LOXL2: variants seen among roughly 807,000 people sequenced by gnomAD.
The protein encoded by LOXL2 is lysyl oxidase like 2.
LOXL2 carries 70 observed loss-of-function variants against 93.0 expected under a neutral mutation model. The ratio of observed to expected loss-of-function variants is 0.75; its 90% CI spans 0.62 to 0.92. The LOEUF (loss-of-function observed/expected upper bound fraction) is 0.92. Among genes scored for constraint, LOXL2 ranks in the 40% least tolerant of loss-of-function variants. The probability of loss-of-function intolerance (pLI) is 0.00; values close to 1 mark genes in which losing one functional copy is unlikely to be tolerated. For missense variants in LOXL2, 973 were observed against 1,054.9 expected, an observed-to-expected ratio of 0.92 and a Z score of 1.08; for synonymous variants, 438 against 413.2, an observed-to-expected ratio of 1.06 and a Z score of -0.73.
rs201444798 is a variant in LOXL2, at chr8:23,298,877, C to T, written c.2204G>A (p.Arg735His). ...YSNNIMKCRS[R>H]YDGHRIWMYN... ...CATCCAGATGCGGTGGCCGTCATAGCGGCTCCTGCATTTCATGATGTTGTT... is the reference window on the plus strand; with the variant it reads ...CATCCAGATGCGGTGGCCGTCATAGTGGCTCCTGCATTTCATGATGTTGTT... Residue 735 changes from arginine to histidine, a missense_variant, in exon 13 of 14, where the codon CGC (arginine) becomes CAC (histidine). Coordinates refer to ENST00000389131, the MANE Select transcript of LOXL2 (RefSeq NM_002318.3). The T allele has an allele frequency of 3.8e-5, 61 of 1,613,970 alleles. No homozygotes were observed. The highest frequency in any genetic ancestry group is 4.7e-5 in the Non-Finnish European group (55 of 1,179,886).
rs1016744673 is a variant in LOXL2, at chr8:23,341,276, C to T, written c.532-73G>A. On this transcript the variant is annotated intron_variant, in intron 3 of 13. Transcript: ENST00000389131. ...CTGCAGAGACACCAGGCAACCAGTA[C>T]TTCTTTAGCGACTATGGGCCAGGCC... The T allele has an allele frequency of 6.3e-6, 8 of 1,265,038 alleles. No individual in the cohort carries two copies. In the African/African-American group the frequency reaches 1.0e-4, roughly 16 times the overall value. The allele number at this position is 1,265,038 out of a possible 1,614,324, so 78.4% of individuals were successfully genotyped here.
At chr8:23,383,656 T>TG (rs1804711757) in intron 1 of LOXL2, among the ~76,000 whole-genome samples, 2 of 26,112 alleles carry the variant, frequency 7.7e-5, no homozygotes, top group African/African-American at 5.2e-4. Context: ...GTTTTTTTTT[T>TG]GTTTTTTTTT....
rs1803055208 is a variant in LOXL2 at position 23,297,585 on chromosome 8, A to G, written c.*458T>C. The G allele has an allele frequency of 6.3e-6, 1 of 158,824 alleles. No homozygotes were observed. Among genetic ancestry groups the G allele is most frequent in the African/African-American group, 2.4e-5 (1 of 41,630 alleles). 9.8% of individuals were successfully genotyped at this position (158,824 alleles called of 1,614,324 possible). ...ATTGGAAGAGAGGTCTAGATATTCA[A>G]GTTTGCTGAAAATGACCTAAGAGGA... On this transcript the variant is annotated 3_prime_UTR_variant, in exon 14 of 14. Transcript: ENST00000389131.
chr8:23,318,973 A>G (rs1293677016), intron 8 of LOXL2, among the ~76,000 whole-genome samples: 1 of 152,212 alleles, frequency 6.6e-6, no homozygotes, highest in Non-Finnish European at 1.5e-5. Context: ...GGATGCAGGA[A>G]TTCTCCTCTT....
chr8:23,333,665 C>G (rs367563639), intron 4 of LOXL2, 42 bp from the exon 5 acceptor site: 78 of 1,502,628 alleles, frequency 5.2e-5, no homozygotes, highest in Admixed American at 6.9e-5. Context: ...GGCATCATGA[C>G]GCCTACCCCG....
chr8:23,402,394 A>T (rs1455677661), intron 1 of LOXL2, among the ~76,000 whole-genome samples: 2 of 152,236 alleles, frequency 1.3e-5, no homozygotes, highest in Non-Finnish European at 2.9e-5. Flanking sequence ...ACTGGGGCCC[A>T]TGGGGAGCAC....
chr8:23,358,845 ATT>A (rs5890105), intron 3 of LOXL2, among the ~76,000 whole-genome samples: 3 of 135,636 alleles, frequency 2.2e-5, no homozygotes, highest in Non-Finnish European at 3.1e-5. Context: ...CAGTACCTGC[ATT>A]TTTTTTTTTT....
chr8:23,310,210 TG>T (rs1238184185), intron 9 of LOXL2, among the ~76,000 whole-genome samples: 1 of 152,254 alleles, frequency 6.6e-6, no homozygotes, highest in Non-Finnish European at 1.5e-5. Context: ...ACAGATCCTG[TG>T]CCTCATAAGC....
intron 1 of LOXL2, among the ~76,000 whole-genome samples, chr8:23,380,955 G>C (rs1189272862): frequency 6.6e-6 from 1 of 152,220 alleles, no homozygotes; most frequent in Non-Finnish European, 1.5e-5. Context: ...GGAGGTTGCA[G>C]TGAGCCGAGA....
chr8:23,320,080 A>G, intron 7 of LOXL2, 28 bp from the exon 8 acceptor site: 1 of 1,611,194 alleles, frequency 6.2e-7, no homozygotes, highest in Non-Finnish European at 8.5e-7. Context: ...GGCCACGGTC[A>G]CCAAGAGGGA....
Position 23,309,844 on chromosome 8 carries a change from C to T in LOXL2, c.1704G>A (p.Met568Ile), listed in dbSNP as rs1803294941. The change falls in exon 10 of 14, where the codon ATG becomes ATA. Residue 568 changes from methionine to isoleucine, a missense_variant. By Grantham distance (10) the Met-to-Ile change is conservative (BLOSUM62 1). Transcript: ENST00000389131. ...QQTTYLEDRP[M>I]FMLQCAMEEN... ...CCTCCATGGCACACTGCAGCATGAACATGGGCCGGTCCTCCAGGTAGGTGG... is the reference window on the plus strand; with the variant it reads ...CCTCCATGGCACACTGCAGCATGAATATGGGCCGGTCCTCCAGGTAGGTGG... 1 of 1,591,486 alleles carries T rather than the reference C, an allele frequency of 6.3e-7. No individual in the cohort carries two copies. The highest frequency in any genetic ancestry group is 8.6e-7 in the Non-Finnish European group (1 of 1,167,982).
At chr8:23,389,526 C>T (rs539523699) in intron 1 of LOXL2, among the ~76,000 whole-genome samples, 3 of 152,228 alleles carry the variant, frequency 2.0e-5, no homozygotes, top group South Asian at 4.1e-4. Context: ...GGCACGCAGT[C>T]GAATAATGCC....
chr8:23,347,480 A>T (rs1339464436), intron 3 of LOXL2, among the ~76,000 whole-genome samples: 1 of 152,108 alleles, frequency 6.6e-6, no homozygotes. Flanking sequence ...TAACATGGTG[A>T]AACCTCGTCT....
At chr8:23,346,892 A>G (rs911500136) in intron 3 of LOXL2, among the ~76,000 whole-genome samples, 2 of 152,226 alleles carry the variant, frequency 1.3e-5, no homozygotes, top group African/African-American at 4.8e-5. Flanking sequence ...ACATCATGCC[A>G]ACATCTCAAC....
intron 9 of LOXL2, among the ~76,000 whole-genome samples, chr8:23,315,971 G>A (rs546634541): frequency 2.6e-5 from 4 of 152,308 alleles, no homozygotes; most frequent in African/African-American, 9.6e-5. Flanking sequence ...CTTTCCCCCG[G>A]GGAGCTGGTA....
chr8:23,309,694 G>A lies in LOXL2; in HGVS notation c.1854C>T (p.His618=), dbSNP rs904888279. 1.8e-5 allele frequency: 28 copies of A among 1,536,072 alleles called. No individual in the cohort carries two copies. The highest frequency in any genetic ancestry group is 9.6e-5 in the African/African-American group (7 of 72,562). ...QSDFRPKNGR[H]AWIWHDCHRH... The stretch of plus-strand genomic sequence containing the variant: ...TGTGACAGTCGTGCCAGATCCACGC[G>A]TGGCGGCCGTTCTTGGGCCGGAAGT... The change falls in exon 10 of 14, where the codon CAC becomes CAT. Residue 618 remains histidine, a synonymous_variant. Transcript: ENST00000389131.
chr8:23,337,250 GC>G, intron 4 of LOXL2: 1 of 152,916 alleles, frequency 6.5e-6, no homozygotes, highest in Non-Finnish European at 1.5e-5. Context: ...CAGCCACGGG[GC>G]CCCCGCCACC....
intron 4 of LOXL2, among the ~76,000 whole-genome samples, chr8:23,335,199 C>A (rs932927340): frequency 8.5e-5 from 13 of 152,232 alleles, no homozygotes; most frequent in African/African-American, 3.1e-4. Context: ...CCCCTCACCC[C>A]ATCTGGGTTC....
At chr8:23,349,635 C>A (rs1308824982) in intron 3 of LOXL2, among the ~76,000 whole-genome samples, 2 of 151,760 alleles carry the variant, frequency 1.3e-5, no homozygotes, top group Non-Finnish European at 2.9e-5. Context: ...TCATTGAGTT[C>A]TTGGCTTATA....
Sources: gnomAD v4.1 joint callset for allele counts (sites outside exome capture counted in the v4.1 genomes callset) on GRCh38, gnomAD v4.1.1 for gene constraint, MANE v1.5 for transcripts, NCBI Gene and HGNC (gene_info 2026-07-23, HGNC 2026-07-21) for gene names.